The following DISP1 variants were observed in gnomAD, a reference collection of about 807,000 sequenced individuals.
The protein encoded by DISP1 is protein dispatched homolog 1.
Under a neutral mutation model 37.3 loss-of-function variants are expected in DISP1, and 30 were observed. The ratio of observed to expected loss-of-function variants is 0.80; its 90% CI spans 0.60 to 1.09. The LOEUF (loss-of-function observed/expected upper bound fraction) is 1.09. DISP1 is among the 50% of genes least tolerant of loss of function. The pLI is 0.00. For synonymous variants in DISP1, 634 were observed against 690.2 expected (o/e 0.92, Z 1.28); for missense variants, 1,598 against 1,879.5 (o/e 0.85, Z 2.77).
chr1:222,852,974 G>A (rs934926058), intron 1 of DISP1, among the ~76,000 whole-genome samples: 1 of 152,214 alleles, frequency 6.6e-6, no homozygotes, highest in Admixed American at 6.5e-5. Context: ...TATACCAAAT[G>A]TATTCATATA....
intron 3 of DISP1, among the ~76,000 whole-genome samples, chr1:222,953,790 T>C (rs1675400190): frequency 6.6e-6 from 1 of 152,156 alleles, no homozygotes; most frequent in South Asian, 2.1e-4. Context: ...TAGAAAGACT[T>C]CTTTGAGAGA....
chr1:222,960,641 A>G (rs116281376), intron 3 of DISP1, among the ~76,000 whole-genome samples: 1,642 of 152,294 alleles, frequency 0.011, 28 homozygotes, highest in African/African-American at 0.037. Context: ...TGAAGAAGAT[A>G]GAGACATGAA....
chr1:222,954,458 C>CA lies in DISP1; in HGVS notation c.509+11134dup, dbSNP rs112714262. ...ATTTGTTGAATGAATGAATGATTGC[C>CA]AAAAAAAATTCTCAAAATACATCTT... is the stretch of plus-strand genomic sequence containing the variant. On this transcript the variant is annotated intron_variant, in intron 3 of 8. Transcript: ENST00000675850. 2.6e-5 allele frequency among the ~76,000 whole-genome samples: 4 copies of CA among 151,654 alleles called. No individual in the cohort carries two copies. In the South Asian group the frequency reaches 8.4e-4, roughly 32 times the overall value.
chr1:222,972,978 T>C (rs907624245), intron 3 of DISP1, among the ~76,000 whole-genome samples: 1 of 152,164 alleles, frequency 6.6e-6, no homozygotes, highest in African/African-American at 2.4e-5. Context: ...GTCATCAAAT[T>C]ACTTGGTATC....
At chr1:222,857,748 G>A (rs1284722629) in intron 1 of DISP1, among the ~76,000 whole-genome samples, 1 of 152,124 alleles carries the variant, frequency 6.6e-6, no homozygotes, top group Admixed American at 6.6e-5. Context: ...CCTCTTCAAG[G>A]AGAACTACAA....
At chr1:222,992,202 G>T in intron 7 of DISP1, 92 bp downstream of exon 7, 3 of 1,036,576 alleles carry the variant, frequency 2.9e-6, no homozygotes, top group Non-Finnish European at 4.5e-6. Context: ...GCCGTGTGTG[G>T]CTAGTCACAC....
intron 1 of DISP1, among the ~76,000 whole-genome samples, chr1:222,846,157 A>G (rs1007446703): frequency 6.6e-6 from 1 of 152,126 alleles, no homozygotes; most frequent in African/African-American, 2.4e-5. Context: ...AAATGTTTGC[A>G]CAGAGAGACA....
chr1:222,916,406 C>T (rs1056570262), intron 1 of DISP1, among the ~76,000 whole-genome samples: 1 of 152,332 alleles, frequency 6.6e-6, no homozygotes, highest in Admixed American at 6.5e-5. Context: ...TAATGGTCAG[C>T]TAGGACTTGC....
chr1:222,940,312 A>G (rs931296419), intron 2 of DISP1, among the ~76,000 whole-genome samples: 2 of 152,080 alleles, frequency 1.3e-5, no homozygotes, highest in African/African-American at 4.8e-5. Context: ...AGAGAAGGAG[A>G]AAGTTGGCCG....
intron 1 of DISP1, among the ~76,000 whole-genome samples, chr1:222,827,006 A>G (rs1428107069): frequency 2.0e-5 from 3 of 152,262 alleles, no homozygotes; most frequent in Non-Finnish European, 4.4e-5. Flanking sequence ...TTCCATTTCT[A>G]TTCTAATAAA....
At chr1:222,848,109 A>T (rs563594934) in intron 1 of DISP1, among the ~76,000 whole-genome samples, 1 of 152,168 alleles carries the variant, frequency 6.6e-6, no homozygotes, top group East Asian at 1.9e-4. Flanking sequence ...CAACATTCAT[A>T]TTGATTGATT....
At chr1:222,945,127 A>G (rs967841705) in intron 3 of DISP1, among the ~76,000 whole-genome samples, 1 of 152,196 alleles carries the variant, frequency 6.6e-6, no homozygotes, top group Non-Finnish European at 1.5e-5. Flanking sequence ...CTTTTTAAAG[A>G]GAGGAAGGGA....
At chr1:222,941,141 C>A (rs932506375) in intron 2 of DISP1, among the ~76,000 whole-genome samples, 1 of 152,146 alleles carries the variant, frequency 6.6e-6, no homozygotes, top group Non-Finnish European at 1.5e-5. Flanking sequence ...TTAGTTCTTG[C>A]CTCCTGGATC....
rs747426432 is a variant in DISP1 at position 223,005,848 on chromosome 1, G to C, written c.4451G>C (p.Gly1484Ala). 8.1e-6 allele frequency: 13 copies of C among 1,614,204 alleles called. No individual in the cohort carries two copies. The East Asian group carries it at 2.0e-4, about 25-fold the overall frequency. Residue 1484 changes from glycine to alanine, a missense_variant, in exon 9 of 9, where the codon GGC becomes GCC. Coordinates refer to ENST00000675850, the MANE Select transcript of DISP1 (RefSeq NM_001377229.1). ...RSCPNNSQSC[G>A]RIVRVKCNSV... ...TGCCCAAATAATTCACAAAGTTGTGGCAGAATTGTGAGAGTGAAGTGCAAT... is the reference window on the plus strand; with the variant it reads ...TGCCCAAATAATTCACAAAGTTGTGCCAGAATTGTGAGAGTGAAGTGCAAT...
At chr1:222,994,277 C>T (rs1163697063) in intron 7 of DISP1, among the ~76,000 whole-genome samples, 1 of 152,118 alleles carries the variant, frequency 6.6e-6, no homozygotes, top group African/African-American at 2.4e-5. Flanking sequence ...ACCATGCATG[C>T]TCTTTCTGGT....
chr1:223,003,332 C>T lies in DISP1; in HGVS notation c.1935C>T (p.Tyr645=), dbSNP rs199632315. ...CGGGGACAGCTATATTGGTGAATTACGTTTTGATGGTCACATGGCTTCCAG... is the reference window on the plus strand; with the variant it reads ...CGGGGACAGCTATATTGGTGAATTATGTTTTGATGGTCACATGGCTTCCAG... ...VYAGTAILVN[Y]VLMVTWLPAV... is the part of the protein sequence containing the mutation. The change falls in exon 9 of 9, where the codon TAC becomes TAT. Residue 645 remains tyrosine (Y), a synonymous_variant. Coordinates refer to ENST00000675850, the MANE Select transcript of DISP1 (RefSeq NM_001377229.1). This position sits in a 1 kb window ranked among gnomAD's most constrained non-coding sequence, Gnocchi z 4.3. 3.1e-6 allele frequency: 5 copies of T among 1,614,160 alleles called. No homozygotes were observed. Among genetic ancestry groups the T allele is most frequent in the Admixed American group, 3.3e-5 (2 of 60,028 alleles).
At chr1:222,860,016 T>A (rs1668782417) in intron 1 of DISP1, among the ~76,000 whole-genome samples, 1 of 152,088 alleles carries the variant, frequency 6.6e-6, no homozygotes. Flanking sequence ...AGAAGGAAAC[T>A]TTTTTTTCAA....
chr1:222,926,212 G>C (rs1375373684), intron 1 of DISP1, among the ~76,000 whole-genome samples: 1 of 152,086 alleles, frequency 6.6e-6, no homozygotes, highest in Non-Finnish European at 1.5e-5. Context: ...ACTTAACGCA[G>C]TGTTTTCAAG....
intron 1 of DISP1, among the ~76,000 whole-genome samples, chr1:222,828,013 A>G (rs1664836031): frequency 6.6e-6 from 1 of 152,154 alleles, no homozygotes; most frequent in Non-Finnish European, 1.5e-5. Context: ...AGGACGGGAA[A>G]AGGTGTCTGT....
Sources: gnomAD v4.1 joint callset for allele counts (sites outside exome capture counted in the v4.1 genomes callset) on GRCh38, gnomAD v4.1.1 for gene constraint, Gnocchi (gnomAD v3.1) non-coding constraint, MANE v1.5 for transcripts, NCBI Gene and HGNC (gene_info 2026-07-23, HGNC 2026-07-21) for gene names.